Variants in EGFLAM observed in about 807,000 individuals in gnomAD.
The protein encoded by EGFLAM is pikachurin.
EGFLAM carries 79 observed loss-of-function variants against 113.1 expected under a neutral mutation model. The ratio of observed to expected loss-of-function variants is 0.70; its 90% CI spans 0.58 to 0.84. The LOEUF (loss-of-function observed/expected upper bound fraction) is 0.84, where lower values mean the gene tolerates loss of function less well. Ranked by LOEUF, EGFLAM falls within the 40% of genes least tolerant of loss-of-function variation. The pLI, the probability that EGFLAM is intolerant of heterozygous loss-of-function variation, is 0.00. For missense variants in EGFLAM, 1,265 were observed against 1,291.6 expected (o/e 0.98, Z 0.32); for synonymous variants, 504 against 487.6 (o/e 1.03, Z -0.44).
At chr5:38,321,663 A>G (rs9292703) in intron 1 of EGFLAM, among the ~76,000 whole-genome samples, 22,154 of 152,062 alleles carry the variant, frequency 0.15, 1,690 homozygotes, top group African/African-American at 0.17. Flanking sequence ...TTTCCAACTG[A>G]GTCTAAACAG....
At chr5:38,306,396 G>C (rs747225146) in intron 1 of EGFLAM, among the ~76,000 whole-genome samples, 1 of 152,178 alleles carries the variant, frequency 6.6e-6, no homozygotes, top group Non-Finnish European at 1.5e-5. Flanking sequence ...TGCGTGGCTA[G>C]GCTGAAGTCC....
chr5:38,413,499 A>T (rs1741550611), intron 11 of EGFLAM, among the ~76,000 whole-genome samples: 1 of 151,932 alleles, frequency 6.6e-6, no homozygotes, highest in African/African-American at 2.4e-5. Flanking sequence ...AAAAAAAAAA[A>T]GTTGGACTGT....
chr5:38,313,982 G>A (rs74767097), intron 1 of EGFLAM, among the ~76,000 whole-genome samples: 1 of 152,120 alleles, frequency 6.6e-6, no homozygotes, highest in Non-Finnish European at 1.5e-5. Flanking sequence ...AGAAAGAAAC[G>A]TTTTAAAAAA....
At chr5:38,367,702 A>G (rs1172403538) in intron 5 of EGFLAM, among the ~76,000 whole-genome samples, 1 of 152,184 alleles carries the variant, frequency 6.6e-6, no homozygotes, top group African/African-American at 2.4e-5. Context: ...GATTTTCTTC[A>G]GTCAAAAAAA....
intron 5 of EGFLAM, among the ~76,000 whole-genome samples, chr5:38,362,130 C>G (rs1375742524): frequency 6.6e-6 from 1 of 152,126 alleles, no homozygotes; most frequent in Non-Finnish European, 1.5e-5. Context: ...ATCCCCCGAC[C>G]CCCGCAATGC....
intron 1 of EGFLAM, among the ~76,000 whole-genome samples, chr5:38,275,036 TATAAG>T (rs1308799116): frequency 1.3e-5 from 2 of 152,164 alleles, no homozygotes; most frequent in Non-Finnish European, 2.9e-5. Context: ...CTGTTATAAC[TATAAG>T]ATGTTTTCTG....
chr5:38,463,869 A>T lies in EGFLAM; in HGVS notation c.2913A>T (p.Gln971His). ...MKEIALHTNR[Q>H]YMRGLVGCIS... ...AAATTGCTCTGCACACTAACAGGCA[A>T]TATATGAGAGGGCTCGTGGGCTGTA... Residue 971 changes from glutamine to histidine, a missense_variant, in exon 22 of 22, where the codon CAA (glutamine) becomes CAT (histidine). Transcript: ENST00000322350. 1 of 1,614,166 alleles carries T rather than the reference A, an allele frequency of 6.2e-7. No homozygotes were observed. The highest frequency in any genetic ancestry group is 8.5e-7 in the Non-Finnish European group (1 of 1,180,036).
Position 38,438,411 on chromosome 5 carries a change from A to T in EGFLAM, c.2420A>T (p.Asp807Val), listed in dbSNP as rs1742427051. The change falls in exon 17 of 22, where the codon GAC becomes GTC. Residue 807 changes from aspartate (D) to valine (V), a missense_variant. By Grantham distance (152) the Asp-to-Val change is radical (BLOSUM62 -3). Coordinates refer to ENST00000322350, the MANE Select transcript of EGFLAM (RefSeq NM_152403.4). ...GSCRPRKEGY[D>V]CDCPLGFEGL... is the part of the protein sequence containing the mutation. ...TGCCGGCCCAGGAAGGAGGGCTATG[A>T]CTGTGACTGCCCCTTGGGCTTTGAG... 6.2e-7 allele frequency: 1 copy of T among 1,613,734 alleles called. No individual in the cohort carries two copies.
intron 17 of EGFLAM, among the ~76,000 whole-genome samples, chr5:38,439,188 C>A (rs1467431109): frequency 6.6e-6 from 1 of 152,136 alleles, no homozygotes; most frequent in Admixed American, 6.5e-5. Context: ...GTGCTGTGGG[C>A]TACTCAGTTT....
At chr5:38,387,742 C>G (rs7726465) in intron 6 of EGFLAM, among the ~76,000 whole-genome samples, 2,747 of 152,324 alleles carry the variant, frequency 0.018, 111 homozygotes, top group African/African-American at 0.063. Context: ...AAAATGAGAA[C>G]CAGTTACTCT....
chr5:38,273,316 C>T (rs1561257914), intron 1 of EGFLAM, among the ~76,000 whole-genome samples: 1 of 152,214 alleles, frequency 6.6e-6, no homozygotes, highest in Non-Finnish European at 1.5e-5. Flanking sequence ...CAGACATAGC[C>T]CCTAGACCTA....
chr5:38,460,206 C>T (rs73077421), intron 20 of EGFLAM, among the ~76,000 whole-genome samples: 1,554 of 152,330 alleles, frequency 0.01, 23 homozygotes, highest in African/African-American at 0.035. Flanking sequence ...ACCCTTCTCC[C>T]AGTTTCCTTG....
intron 1 of EGFLAM, among the ~76,000 whole-genome samples, chr5:38,276,141 G>C (rs1426552796): frequency 6.6e-6 from 1 of 152,148 alleles, no homozygotes; most frequent in East Asian, 1.9e-4. Context: ...GTATTATATG[G>C]ATGGCGGCAG....
chr5:38,441,436 T>C (rs1742529137), intron 17 of EGFLAM, among the ~76,000 whole-genome samples: 1 of 152,070 alleles, frequency 6.6e-6, no homozygotes, highest in African/African-American at 2.4e-5. Context: ...TACTTAGAGA[T>C]TTCTTTCCTT....
intron 1 of EGFLAM, among the ~76,000 whole-genome samples, chr5:38,324,940 C>T (rs1000816373): frequency 5.9e-5 from 9 of 152,150 alleles, no homozygotes; most frequent in Non-Finnish European, 2.9e-5. Context: ...ACCAGGGTTA[C>T]AGGAGGGGCT....
chr5:38,422,778 A>G (rs4376296), intron 12 of EGFLAM, among the ~76,000 whole-genome samples: 70,694 of 152,116 alleles, frequency 0.46, 18,646 homozygotes, highest in East Asian at 0.84. Context: ...ACAACTCACA[A>G]GAACTACTAA....
intron 1 of EGFLAM, among the ~76,000 whole-genome samples, chr5:38,284,685 A>G (rs1758112798): frequency 6.6e-6 from 1 of 152,230 alleles, no homozygotes; most frequent in South Asian, 2.1e-4. Context: ...CCTGGCAAAT[A>G]GCTTGATTCA....
At chr5:38,313,137 G>A (rs1738500607) in intron 1 of EGFLAM, among the ~76,000 whole-genome samples, 1 of 152,054 alleles carries the variant, frequency 6.6e-6, no homozygotes, top group African/African-American at 2.4e-5. Flanking sequence ...CAGAAAAGTA[G>A]ACATAATAAT....
chr5:38,417,832 C>G (rs1380996029), intron 11 of EGFLAM, among the ~76,000 whole-genome samples: 1 of 152,100 alleles, frequency 6.6e-6, no homozygotes, highest in Non-Finnish European at 1.5e-5. Flanking sequence ...CCCTTCTAGA[C>G]ATTCCAAAAT....
Sources: gnomAD v4.1 joint callset for allele counts (sites outside exome capture counted in the v4.1 genomes callset) on GRCh38, gnomAD v4.1.1 for gene constraint, MANE v1.5 for transcripts, NCBI Gene and HGNC (gene_info 2026-07-23, HGNC 2026-07-21) for gene names.